ACACA: variants seen among roughly 807,000 people sequenced by gnomAD.
ACACA encodes acetyl-CoA carboxylase 1.
Under a neutral mutation model 296.1 loss-of-function variants are expected in ACACA, and 103 were observed. The ratio of observed to expected loss-of-function variants is 0.35; its 90% confidence interval spans 0.30 to 0.41. The LOEUF (loss-of-function observed/expected upper bound fraction) is 0.41, where lower values mean the gene tolerates loss of function less well. Ranked by LOEUF, ACACA falls within the 10% of genes least tolerant of loss-of-function variation. ACACA has a pLI of 1.00. For missense variants in ACACA, 1,554 were observed against 2,989.7 expected (o/e 0.52, Z 11.20); for synonymous variants, 953 against 1,038.6 (o/e 0.92, Z 1.58).
chr17:37,384,506 A>G (rs574401718), intron 1 of ACACA, among the ~76,000 whole-genome samples: 2 of 152,274 alleles, frequency 1.3e-5, no homozygotes, highest in East Asian at 3.9e-4. Context: ...GATCTTCACA[A>G]CACCCCTGTG....
intron 52 of ACACA, among the ~76,000 whole-genome samples, chr17:37,099,942 G>A (rs2073261792): frequency 6.6e-6 from 1 of 152,120 alleles, no homozygotes; most frequent in Admixed American, 6.5e-5. Context: ...AGCCAGTTTT[G>A]AATGTGTTCC....
intron 45 of ACACA, among the ~76,000 whole-genome samples, chr17:37,130,591 A>T (rs973938844): frequency 7.4e-5 from 11 of 149,122 alleles, no homozygotes; most frequent in Non-Finnish European, 1.2e-4. Flanking sequence ...ATAAAAAATT[A>T]AAAAAAAAAC....
chr17:37,189,975 G>A (rs1476063143), intron 38 of ACACA, among the ~76,000 whole-genome samples: 1 of 149,636 alleles, frequency 6.7e-6, no homozygotes, highest in Non-Finnish European at 1.5e-5. Context: ...AGGAGTTCAA[G>A]ACTAGCCTGG....
chr17:37,094,579 C>G (rs372844917), intron 54 of ACACA, among the ~76,000 whole-genome samples: 3,287 of 147,130 alleles, frequency 0.022, 105 homozygotes, highest in Non-Finnish European at 0.034. Flanking sequence ...ACCACCCCCC[C>G]CCCCCCACAC....
chr17:37,225,380 C>T (rs568078349), intron 26 of ACACA: 15 of 411,192 alleles, frequency 3.6e-5, no homozygotes, highest in South Asian at 2.6e-4. Flanking sequence ...GATCAAGTTC[C>T]ATCAGTGTAT....
In ACACA at chr17:37,138,290, A is replaced by G. The variant is rs543529271; in HGVS notation, c.5680-8072T>C. On this transcript the variant is annotated intron_variant, in intron 45 of 55. Coordinates refer to ENST00000616317, the MANE Select transcript of ACACA (RefSeq NM_198834.3). Reference sequence around the variant, plus strand: ...TTCCCTAGAATGATGAACAGCTAGGAGTCAGGTTTCTAAACAGTCTCATTT... The same window carrying G: ...TTCCCTAGAATGATGAACAGCTAGGGGTCAGGTTTCTAAACAGTCTCATTT... Among the ~76,000 whole-genome samples, 10 of 152,350 alleles carry G rather than the reference A, an allele frequency of 6.6e-5. No individual in the cohort carries two copies. In the South Asian group the frequency reaches 2.1e-3, roughly 32 times the overall value.
intron 50 of ACACA, among the ~76,000 whole-genome samples, chr17:37,114,227 A>G (rs1199314732): frequency 6.6e-6 from 1 of 151,706 alleles, no homozygotes; most frequent in Non-Finnish European, 1.5e-5. Context: ...GAGAGGAACC[A>G]CCTCTTCATT....
At chr17:37,400,698 C>T (rs897933415) in intron 1 of ACACA, among the ~76,000 whole-genome samples, 1 of 151,904 alleles carries the variant, frequency 6.6e-6, no homozygotes, top group Non-Finnish European at 1.5e-5. Flanking sequence ...GACAGGATTT[C>T]CTTATTTTTT....
intron 32 of ACACA, 33 bp from the exon 33 acceptor site, chr17:37,205,905 T>C (rs766943629): frequency 6.6e-7 from 1 of 1,515,372 alleles, no homozygotes; most frequent in South Asian, 1.1e-5. Context: ...AAAGAAATTA[T>C]GAGGCTGGCC....
chr17:37,193,489 C>T, intron 35 of ACACA, 74 bp from the exon 36 acceptor site: 1 of 1,178,870 alleles, frequency 8.5e-7, no homozygotes, highest in Non-Finnish European at 1.3e-6. Context: ...AGTATAGAAA[C>T]AGTTAAGCAT....
chr17:37,160,055 A>C (rs1598014155), intron 42 of ACACA, among the ~76,000 whole-genome samples: 1 of 152,242 alleles, frequency 6.6e-6, no homozygotes, highest in Non-Finnish European at 1.5e-5. Flanking sequence ...TGGAATGGTA[A>C]GGGTGCAAGC....
rs1195272849 is a variant in ACACA at position 37,259,406 on chromosome 17, C to G, written c.1454G>C (p.Cys485Ser). The G allele has an allele frequency of 6.2e-7, 1 of 1,614,204 alleles. No individual in the cohort carries two copies. ...LNPRLQVEHP[C>S]TEMVADVNLP... ...ATTGACATCAGCCACCATCTCTGTACAAGGGTGCTCTACCTGCAGCCGAGG... is the reference window on the plus strand; with the variant it reads ...ATTGACATCAGCCACCATCTCTGTAGAAGGGTGCTCTACCTGCAGCCGAGG... The change falls in exon 12 of 56, where the codon TGT (cysteine) becomes TCT (serine). Residue 485 changes from cysteine to serine, a missense_variant. Cys to Ser is a moderately radical substitution (Grantham distance 112, BLOSUM62 -1). This residue lies in a region of ACACA where 3 missense variants were observed against 29.1 expected (regional missense o/e 0.10). Transcript: ENST00000616317.
At chr17:37,390,855 C>G (rs1479868376) in intron 1 of ACACA, among the ~76,000 whole-genome samples, 4 of 151,698 alleles carry the variant, frequency 2.6e-5, no homozygotes, top group Non-Finnish European at 2.9e-5. Context: ...GAAGGGACTA[C>G]AAAGTCTAGT....
intron 52 of ACACA, among the ~76,000 whole-genome samples, chr17:37,098,993 G>A (rs963712051): frequency 5.9e-5 from 9 of 152,206 alleles, no homozygotes; most frequent in African/African-American, 2.2e-4. Flanking sequence ...ACAGCCCCTG[G>A]TGTTAGGGAC....
chr17:37,343,763 CAAAAA>C (rs1161272864), intron 1 of ACACA, among the ~76,000 whole-genome samples: 1 of 67,108 alleles, frequency 1.5e-5, no homozygotes. Flanking sequence ...GACTCTGTCT[CAAAAA>C]AAAAAAAAAA....
chr17:37,323,349 C>G (rs1470018519), intron 3 of ACACA, among the ~76,000 whole-genome samples: 1 of 152,260 alleles, frequency 6.6e-6, no homozygotes, highest in Non-Finnish European at 1.5e-5. Flanking sequence ...CATCCCAGCA[C>G]TTGGGAAGGC....
intron 25 of ACACA, among the ~76,000 whole-genome samples, chr17:37,230,381 T>A (rs2079800241): frequency 2.3e-5 from 3 of 127,814 alleles, no homozygotes; most frequent in South Asian, 5.1e-4. Flanking sequence ...CGAAACTCCA[T>A]CTCAAAAAAT....
At chr17:37,181,490 C>T (rs926796661) in intron 39 of ACACA, 134 bp from the exon 40 acceptor site, 88 of 883,810 alleles carry the variant, frequency 1.0e-4, no homozygotes, top group Non-Finnish European at 1.5e-4. Flanking sequence ...AGATATGCCT[C>T]TTAACACTGG....
At chr17:37,348,948 CAAAA>C (rs772944984) in intron 1 of ACACA, among the ~76,000 whole-genome samples, 1 of 56,940 alleles carries the variant, frequency 1.8e-5, no homozygotes, top group Non-Finnish European at 3.7e-5. Flanking sequence ...GACTCCGTCT[CAAAA>C]AAAAAAAAAA....
Sources: gnomAD v4.1 joint callset for allele counts (sites outside exome capture counted in the v4.1 genomes callset) on GRCh38, gnomAD v4.1.1 for gene constraint, gnomAD v4.1.1 regional missense constraint, MANE v1.5 for transcripts, NCBI Gene and HGNC (gene_info 2026-07-23, HGNC 2026-07-21) for gene names.